Variants in UNC5A observed in about 807,000 individuals in gnomAD.
The protein encoded by UNC5A is netrin receptor UNC5A.
In UNC5A, 20 loss-of-function variants were observed where a neutral mutation model predicts 87.4. That is an observed-to-expected ratio of 0.23 (90% CI 0.16 to 0.33). The LOEUF (loss-of-function observed/expected upper bound fraction) is 0.33. Ranked by LOEUF, UNC5A falls within the 10% of genes least tolerant of loss-of-function variation. UNC5A has a pLI of 1.00. For missense variants in UNC5A, 844 were observed against 1,133.4 expected (o/e 0.74, Z 3.67); for synonymous variants, 438 against 482.3 (o/e 0.91, Z 1.20).
intron 1 of UNC5A, among the ~76,000 whole-genome samples, chr5:176,818,206 C>T (rs1014987918): frequency 2.0e-5 from 3 of 152,218 alleles, no homozygotes; most frequent in African/African-American, 7.2e-5. Context: ...CCGGGCTGAT[C>T]TCGCTGCGAA....
At position 176,862,613 on chromosome 5, in the gene UNC5A, C is replaced by A. The variant is rs1757867229; in HGVS notation, c.71-11C>A. ...GCCCCTGGCTCACCTTCCCCCTCTG[C>A]CCTGCCGCAGGTGCCCAGCAGAGTG... On this transcript the variant is annotated splice_polypyrimidine_tract_variant and intron_variant, in intron 1 of 14. Transcript: ENST00000329542. The A allele has an allele frequency of 6.2e-6, 10 of 1,612,500 alleles. No individual in the cohort carries two copies. The highest frequency in any genetic ancestry group is 8.5e-6 in the Non-Finnish European group (10 of 1,179,536).
chr5:176,833,439 G>A (rs533712268), intron 1 of UNC5A, among the ~76,000 whole-genome samples: 10 of 152,312 alleles, frequency 6.6e-5, no homozygotes, highest in Non-Finnish European at 1.0e-4. Context: ...AATGGCCTCC[G>A]GCTGCATCCA....
At chr5:176,853,768 C>T (rs1314163821) in intron 1 of UNC5A, among the ~76,000 whole-genome samples, 1 of 152,152 alleles carries the variant, frequency 6.6e-6, no homozygotes, top group Non-Finnish European at 1.5e-5. Flanking sequence ...TGGGCATGGG[C>T]CCTGGGACTC....
intron 9 of UNC5A, 74 bp downstream of exon 9, chr5:176,877,353 C>G: frequency 7.0e-7 from 1 of 1,436,392 alleles, no homozygotes; most frequent in Non-Finnish European, 9.6e-7. Flanking sequence ...AAGCCCCCTG[C>G]CCACCCACTG....
At position 176,867,726 on chromosome 5, in the gene UNC5A, A is replaced by G. The variant is rs372486678; in HGVS notation, c.293-404A>G. On this transcript the variant is annotated intron_variant, in intron 2 of 14. Transcript: ENST00000329542. ...ATCCTTCCTCACCTCTTTTACCCAC[A>G]GAGGTGCAGAGCTCAGCCTGTCTGC... Among the ~76,000 whole-genome samples, 27 of 152,274 alleles carry G rather than the reference A, an allele frequency of 1.8e-4. 1 individual carries two copies. Among genetic ancestry groups the G allele is most frequent in the African/African-American group, 6.3e-4 (26 of 41,552 alleles).
intron 2 of UNC5A, among the ~76,000 whole-genome samples, chr5:176,863,605 G>A (rs1455312099): frequency 6.6e-6 from 1 of 151,872 alleles, no homozygotes; most frequent in Non-Finnish European, 1.5e-5. Flanking sequence ...CCCCAGCCCT[G>A]GCCTTAAGTG....
chr5:176,819,502 G>A (rs1756676616), intron 1 of UNC5A, among the ~76,000 whole-genome samples: 1 of 152,108 alleles, frequency 6.6e-6, no homozygotes, highest in African/African-American at 2.4e-5. Flanking sequence ...CTCTGCTCTT[G>A]GGGATTCGGC....
intron 1 of UNC5A, among the ~76,000 whole-genome samples, chr5:176,833,933 T>C (rs963194178): frequency 1.3e-5 from 2 of 152,052 alleles, no homozygotes; most frequent in African/African-American, 4.8e-5. Flanking sequence ...CTCAAACTCC[T>C]GACTTCATGA....
In UNC5A at chr5:176,844,081, G is replaced by A. The variant is rs1042207770; in HGVS notation, c.71-18543G>A. On this transcript the variant is annotated intron_variant, in intron 1 of 14. Transcript: ENST00000329542. The surrounding 1 kb of genome is among the most constrained non-coding windows in gnomAD (Gnocchi z 4.2). ...AGGCAGGGGACGGGGAGGACGAGGA[G>A]GAGGGGCCCTGAGACATGGAAACGA... Among the ~76,000 whole-genome samples, 2 of 152,262 alleles carry A rather than the reference G, an allele frequency of 1.3e-5. No homozygotes were observed. The highest frequency in any genetic ancestry group is 4.8e-5 in the African/African-American group (2 of 41,470).
Position 176,874,299 on chromosome 5 carries a change from A to G in UNC5A, c.1111A>G (p.Ser371Gly). 6.2e-7 allele frequency: 1 copy of G among 1,606,104 alleles called. No homozygotes were observed. Among genetic ancestry groups the G allele is most frequent in the Non-Finnish European group, 8.5e-7 (1 of 1,175,614 alleles). ...PHLLTIQPDL[S>G]TTTTTYQGSL... ...TCTGCTCACCATCCAGCCGGACCTC[A>G]GCACCACCACCACCACCTACCAGGG... is the stretch of plus-strand genomic sequence containing the variant. Residue 371 changes from serine (S) to glycine (G), a missense_variant, in exon 8 of 15, where the codon AGC (serine) becomes GGC (glycine). Coordinates refer to ENST00000329542, the MANE Select transcript of UNC5A (RefSeq NM_133369.3). The surrounding 1 kb of genome is among the most constrained non-coding windows in gnomAD (Gnocchi z 7.6).
chr5:176,843,835 G>GCCCTGGC (rs915532731), intron 1 of UNC5A, among the ~76,000 whole-genome samples: 22 of 152,338 alleles, frequency 1.4e-4, no homozygotes, highest in African/African-American at 1.9e-4. Context: ...GTCTTGCCCA[G>GCCCTGGC]CCCTGGCCCC....
chr5:176,856,464 A>G (rs996775705), intron 1 of UNC5A, among the ~76,000 whole-genome samples: 2 of 151,776 alleles, frequency 1.3e-5, no homozygotes, highest in Non-Finnish European at 2.9e-5. Flanking sequence ...TCATTCAGTC[A>G]CGCAACAAAC....
Position 176,876,917 on chromosome 5 carries a change from G to A in UNC5A, c.1379-275G>A, listed in dbSNP as rs549233648. Among the ~76,000 whole-genome samples the A allele has an allele frequency of 9.8e-5, 15 of 152,308 alleles. No homozygotes were observed. The South Asian group carries it at 1.7e-3, about 17-fold the overall frequency. On this transcript the variant is annotated intron_variant, in intron 8 of 14. Coordinates refer to ENST00000329542, the MANE Select transcript of UNC5A (RefSeq NM_133369.3). ...TGCCTTTCAGGGGACAAGGGAGGTCGGTACCGCATACCTTCTGTCCCCAAG... is the reference window on the plus strand; with the variant it reads ...TGCCTTTCAGGGGACAAGGGAGGTCAGTACCGCATACCTTCTGTCCCCAAG...
At chr5:176,843,192 G>A (rs11741217) in intron 1 of UNC5A, among the ~76,000 whole-genome samples, 3 of 149,858 alleles carry the variant, frequency 2.0e-5, no homozygotes, top group Non-Finnish European at 4.4e-5. Flanking sequence ...AAGAAAGAAA[G>A]AAAAAAAGAA....
intron 1 of UNC5A, among the ~76,000 whole-genome samples, chr5:176,853,578 C>T (rs181266766): frequency 3.3e-5 from 5 of 152,344 alleles, no homozygotes; most frequent in Admixed American, 1.3e-4. Context: ...TTCATGCACA[C>T]GTTACTATGG....
chr5:176,854,503 C>A (rs1292082017), intron 1 of UNC5A, among the ~76,000 whole-genome samples: 1 of 152,192 alleles, frequency 6.6e-6, no homozygotes, highest in Non-Finnish European at 1.5e-5. Context: ...GGCTCCTGCT[C>A]CCCCTGCCCC....
In UNC5A at chr5:176,842,086, A is replaced by G. The variant is rs538003585; in HGVS notation, c.71-20538A>G. On this transcript the variant is annotated intron_variant, in intron 1 of 14. Transcript: ENST00000329542. ...GTGGCGGGTGCCTGTAGTCCCAGCT[A>G]CTCGGGAGGCTGAGGCAGGAGAATG... is the stretch of plus-strand genomic sequence containing the variant. Among the ~76,000 whole-genome samples the G allele has an allele frequency of 3.9e-5, 6 of 152,344 alleles. No homozygotes were observed. The East Asian group carries it at 1.2e-3, about 29-fold the overall frequency.
chr5:176,870,546 C>T lies in UNC5A; in HGVS notation c.886+12C>T. 6.4e-7 allele frequency: 1 copy of T among 1,570,818 alleles called. No homozygotes were observed. Among genetic ancestry groups the T allele is most frequent in the Non-Finnish European group, 8.7e-7 (1 of 1,152,310 alleles). ...CCTCTGTGTACACAGTGAGTCCTCT[C>T]TGCCCTGAGGTCCTCTTCTGTTTGC... is the stretch of plus-strand genomic sequence containing the variant. On this transcript the variant is annotated intron_variant, in intron 6 of 14. Transcript: ENST00000329542.
rs571543307 is a variant in UNC5A, at chr5:176,823,667, G to C, written c.70+12847G>C. Among the ~76,000 whole-genome samples the C allele has an allele frequency of 5.9e-5, 9 of 152,034 alleles. No individual in the cohort carries two copies. The South Asian group carries it at 1.7e-3, about 28-fold the overall frequency. ...AGGCTCGGAGGTCTGGGCACGATGA[G>C]AGCCTCCACAGGGGGGCTCTATGGG... is the stretch of plus-strand genomic sequence containing the variant. On this transcript the variant is annotated intron_variant, in intron 1 of 14. Transcript: ENST00000329542.
Sources: allele counts gnomAD v4.1 joint callset (sites outside exome capture counted in the v4.1 genomes callset), GRCh38; gene constraint gnomAD v4.1.1; non-coding constraint Gnocchi (gnomAD v3.1); transcripts MANE v1.5; gene names NCBI Gene and HGNC (gene_info 2026-07-23, HGNC 2026-07-21).